Variants in KIAA1549L observed in about 807,000 individuals in gnomAD.
KIAA1549L encodes UPF0606 protein KIAA1549L.
In KIAA1549L, 88 loss-of-function variants were observed where a neutral mutation model predicts 160.7. That is an observed-to-expected ratio of 0.55 (90% CI 0.46 to 0.65). KIAA1549L has a LOEUF of 0.65. Among genes scored for constraint, KIAA1549L ranks in the 30% least tolerant of loss-of-function variants. KIAA1549L has a pLI of 0.00. For synonymous variants in KIAA1549L, 950 were observed against 976.7 expected (o/e 0.97, Z 0.51); for missense variants, 2,258 against 2,437.5 (o/e 0.93, Z 1.55).
At chr11:33,407,845 C>T (rs1248429425) in intron 1 of KIAA1549L, among the ~76,000 whole-genome samples, 1 of 152,180 alleles carries the variant, frequency 6.6e-6, no homozygotes, top group Non-Finnish European at 1.5e-5. Context: ...GCCTTCTGCG[C>T]CCGTCTATCC....
In KIAA1549L at chr11:33,606,637, T is replaced by TCA; in HGVS notation, c.4880-3_4880-2dup. ...AAAATCGATGTGTTTATGTTGTGCT[T>TCA]CAGTGCCAGCGAGTGACGAAGAGGA... is the stretch of plus-strand genomic sequence containing the variant. On this transcript the variant is annotated splice_region_variant and splice_polypyrimidine_tract_variant and intron_variant, in intron 13 of 20. Transcript: ENST00000658780. 1 of 1,613,618 alleles carries TCA rather than the reference T, an allele frequency of 6.2e-7. No homozygotes were observed. Among genetic ancestry groups the TCA allele is most frequent in the Non-Finnish European group, 8.5e-7 (1 of 1,179,682 alleles).
intron 10 of KIAA1549L, among the ~76,000 whole-genome samples, chr11:33,577,499 G>T (rs1025320394): frequency 2.6e-5 from 4 of 152,172 alleles, no homozygotes; most frequent in African/African-American, 9.7e-5. Flanking sequence ...ATGGGATCTG[G>T]TGCACGGGTG....
chr11:33,596,975 C>T (rs1334873302), intron 12 of KIAA1549L, among the ~76,000 whole-genome samples: 1 of 152,116 alleles, frequency 6.6e-6, no homozygotes, highest in African/African-American at 2.4e-5. Context: ...AATAAAATAA[C>T]ATATATTCAA....
intron 1 of KIAA1549L, among the ~76,000 whole-genome samples, chr11:33,492,377 C>CA (rs1852690164): frequency 6.6e-6 from 1 of 151,972 alleles, no homozygotes; most frequent in African/African-American, 2.4e-5. Flanking sequence ...AAAAAAACCC[C>CA]AAAAAGAACA....
chr11:33,638,856 C>G (rs775098375), intron 16 of KIAA1549L, among the ~76,000 whole-genome samples: 2 of 152,148 alleles, frequency 1.3e-5, no homozygotes, highest in Non-Finnish European at 2.9e-5. Context: ...GATATAATTT[C>G]CTTATTCCTA....
chr11:33,383,979 G>A (rs1373736977), intron 1 of KIAA1549L, among the ~76,000 whole-genome samples: 1 of 152,100 alleles, frequency 6.6e-6, no homozygotes, highest in African/African-American at 2.4e-5. Context: ...AGTTTATTAA[G>A]GTGTAATTTA....
At chr11:33,528,035 CT>C (rs1183888772) in intron 1 of KIAA1549L, among the ~76,000 whole-genome samples, 1 of 152,198 alleles carries the variant, frequency 6.6e-6, no homozygotes, top group African/African-American at 2.4e-5. Flanking sequence ...CACAAGCTCT[CT>C]TGCTTGCTGC....
intron 15 of KIAA1549L, among the ~76,000 whole-genome samples, chr11:33,614,247 C>G (rs1850720717): frequency 6.6e-6 from 1 of 151,896 alleles, no homozygotes; most frequent in African/African-American, 2.4e-5. Flanking sequence ...CCTTCCCAGG[C>G]TACTGTCCTC....
chr11:33,636,396 T>G (rs898171444), intron 16 of KIAA1549L, among the ~76,000 whole-genome samples: 1 of 150,078 alleles, frequency 6.7e-6, no homozygotes, highest in Admixed American at 6.7e-5. Flanking sequence ...TCACCCAGGC[T>G]GGATTGCATT....
intron 1 of KIAA1549L, among the ~76,000 whole-genome samples, chr11:33,494,121 T>C (rs542672772): frequency 6.6e-6 from 1 of 152,346 alleles, no homozygotes; most frequent in East Asian, 1.9e-4. Flanking sequence ...GTTGATTCTA[T>C]GGGTTCCTAA....
At chr11:33,382,140 G>C (rs34440748) in intron 1 of KIAA1549L, among the ~76,000 whole-genome samples, 61,548 of 152,062 alleles carry the variant, frequency 0.4, 14,565 homozygotes, top group Non-Finnish European at 0.53. Flanking sequence ...GGAGAAGAGA[G>C]AGGGAGATCT....
intron 13 of KIAA1549L, among the ~76,000 whole-genome samples, chr11:33,599,709 T>A (rs1281263619): frequency 6.6e-6 from 1 of 152,212 alleles, no homozygotes; most frequent in Non-Finnish European, 1.5e-5. Flanking sequence ...CTCCCTCTCC[T>A]GTTCCCACCT....
At chr11:33,446,418 A>T (rs1229987765) in intron 1 of KIAA1549L, among the ~76,000 whole-genome samples, 4 of 152,012 alleles carry the variant, frequency 2.6e-5, no homozygotes, top group Admixed American at 1.3e-4. Flanking sequence ...GTTTTTTTCC[A>T]AAAGTCCTGT....
intron 1 of KIAA1549L, among the ~76,000 whole-genome samples, chr11:33,393,962 A>G (rs1850319437): frequency 6.6e-6 from 1 of 152,160 alleles, no homozygotes; most frequent in African/African-American, 2.4e-5. Flanking sequence ...TGCTCTTTAA[A>G]CCTTTTTGAC....
chr11:33,613,851 TA>T (rs571435772), intron 15 of KIAA1549L, among the ~76,000 whole-genome samples: 1 of 152,162 alleles, frequency 6.6e-6, no homozygotes, highest in Non-Finnish European at 1.5e-5. Flanking sequence ...TTCAGAGCCT[TA>T]AAAAAATCAG....
At position 33,432,908 on chromosome 11, in the gene KIAA1549L, C is replaced by G. The variant is rs920046869; in HGVS notation, c.238+56019C>G. Among the ~76,000 whole-genome samples, 5 of 152,314 alleles carry G rather than the reference C, an allele frequency of 3.3e-5. No individual in the cohort carries two copies. The East Asian group carries it at 9.7e-4, about 29-fold the overall frequency. On this transcript the variant is annotated intron_variant, in intron 1 of 20. Coordinates refer to ENST00000658780, the MANE Select transcript of KIAA1549L (RefSeq NM_012194.3). ...GCAGAAAACTGAAACTGGACCCCTTCCTTATACCTTATGCAAAAATTAACT... is the reference window on the plus strand; with the variant it reads ...GCAGAAAACTGAAACTGGACCCCTTGCTTATACCTTATGCAAAAATTAACT...
At chr11:33,595,787 G>T (rs997022812) in intron 12 of KIAA1549L, among the ~76,000 whole-genome samples, 1 of 152,180 alleles carries the variant, frequency 6.6e-6, no homozygotes, top group Non-Finnish European at 1.5e-5. Flanking sequence ...GGGTCTGTTA[G>T]ATGATCCAAG....
chr11:33,450,579 C>CAAAA (rs1252412565), intron 1 of KIAA1549L: 5 of 113,500 alleles, frequency 4.4e-5, no homozygotes, highest in African/African-American at 1.4e-4. Flanking sequence ...ACAACAACAA[C>CAAAA]AACAACAACA....
At chr11:33,645,558 T>C (rs988992222) in intron 16 of KIAA1549L, 128 bp from the exon 17 acceptor site, 100 of 703,126 alleles carry the variant, frequency 1.4e-4, no homozygotes, top group Admixed American at 8.1e-4. Flanking sequence ...ATAGGGCACG[T>C]AGGATATAAT....
Sources: gnomAD v4.1 joint callset for allele counts (sites outside exome capture counted in the v4.1 genomes callset) on GRCh38, gnomAD v4.1.1 for gene constraint, MANE v1.5 for transcripts, NCBI Gene and HGNC (gene_info 2026-07-23, HGNC 2026-07-21) for gene names.